The following ADTRP variants were observed in gnomAD, a reference collection of about 807,000 sequenced individuals.
ADTRP encodes androgen dependent TFPI regulating protein, also known as androgen-dependent TFPI-regulating protein.
A neutral mutation model predicts 27.0 loss-of-function variants in ADTRP; 20 were observed. The ratio of observed to expected loss-of-function variants is 0.74; its 90% CI spans 0.52 to 1.08. The LOEUF is 1.08. Ranked by LOEUF, ADTRP falls within the 50% of genes least tolerant of loss-of-function variation. The pLI, the probability that ADTRP is intolerant of heterozygous loss-of-function variation, is 0.00. For synonymous variants in ADTRP, 101 were observed against 105.2 expected, an observed-to-expected ratio of 0.96 and a Z score of 0.25; for missense variants, 251 against 275.0, an observed-to-expected ratio of 0.91 and a Z score of 0.62.
At chr6:11,730,301 C>T (rs2113889838) in intron 4 of ADTRP, among the ~76,000 whole-genome samples, 1 of 152,118 alleles carries the variant, frequency 6.6e-6, no homozygotes, top group East Asian at 1.9e-4. Context: ...GATTCCAATC[C>T]CTGCTGAGTT....
intron 3 of ADTRP, among the ~76,000 whole-genome samples, chr6:11,746,678 T>A (rs1762875567): frequency 1.3e-5 from 2 of 152,122 alleles, no homozygotes; most frequent in African/African-American, 4.8e-5. Context: ...GGGAAAGAAC[T>A]ATTTAGGAGA....
At position 11,735,715 on chromosome 6, in the gene ADTRP, C is replaced by T. The variant is rs768558737; in HGVS notation, c.391-32G>A. On this transcript the variant is annotated intron_variant, in intron 3 of 5. Transcript: ENST00000414691. ...GAGAGAAAATGGCAAATCAGAATGG[C>T]AGGGTGTCCAGGGTGCCTACAGTGC... 23 of 1,422,848 alleles carry T rather than the reference C, an allele frequency of 1.6e-5. 1 individual carries two copies. The South Asian group carries it at 2.7e-4, about 17-fold the overall frequency. The allele number at this position is 1,422,848 out of a possible 1,614,324, so 88.1% of individuals were successfully genotyped here.
At chr6:11,751,855 T>A (rs1393232851) in intron 3 of ADTRP, among the ~76,000 whole-genome samples, 6 of 152,262 alleles carry the variant, frequency 3.9e-5, no homozygotes, top group Non-Finnish European at 8.8e-5. Context: ...CCTTCAACAC[T>A]TTGGAGCTAT....
chr6:11,770,712 C>T (rs1297760802), intron 1 of ADTRP, among the ~76,000 whole-genome samples: 2 of 152,148 alleles, frequency 1.3e-5, no homozygotes, highest in African/African-American at 4.8e-5. Flanking sequence ...TTGACATTCA[C>T]ACCCTCAGGG....
At chr6:11,749,807 C>T (rs1022397010) in intron 3 of ADTRP, among the ~76,000 whole-genome samples, 7 of 152,178 alleles carry the variant, frequency 4.6e-5, no homozygotes, top group Non-Finnish European at 7.4e-5. Context: ...GAGGGCAACA[C>T]TCGGGTTATG....
chr6:11,754,336 G>A (rs1763147071), intron 3 of ADTRP, among the ~76,000 whole-genome samples: 3 of 152,320 alleles, frequency 2.0e-5, no homozygotes, highest in South Asian at 2.1e-4. Flanking sequence ...GCTAAGGTAG[G>A]TAGGCCAACG....
In ADTRP at chr6:11,714,512, C is replaced by A. The variant is rs779891554; in HGVS notation, c.659G>T (p.Gly220Val). The A allele has an allele frequency of 8.7e-6, 14 of 1,613,542 alleles. No individual in the cohort carries two copies. In the African/African-American group the frequency reaches 1.5e-4, roughly 17 times the overall value. ...CTTCTTCCGTGGCTGCCTCATGTCA[C>A]CTGTACAAACAAGAACAGAGACAGA... Reference protein sequence around the residue: ...LGEKLNHWKWGDMRQPRKKRK With the variant: ...LGEKLNHWKWVDMRQPRKKRK Residue 220 changes from glycine to valine, a missense_variant and splice_region_variant, in exon 6 of 6, where the codon GGT becomes GTT. By Grantham distance (109) the Gly-to-Val change is moderately radical (BLOSUM62 -3). Coordinates refer to ENST00000414691, the MANE Select transcript of ADTRP (RefSeq NM_032744.4).
chr6:11,733,622 T>TA (rs370776266), intron 4 of ADTRP, among the ~76,000 whole-genome samples: 4 of 152,328 alleles, frequency 2.6e-5, no homozygotes, highest in African/African-American at 9.6e-5. Context: ...CACTGTCTGT[T>TA]ATGCTCCTCT....
At chr6:11,775,702 G>GTGTCTGTCTCCTGTCTCC (rs1763933196) in intron 1 of ADTRP, among the ~76,000 whole-genome samples, 1 of 152,102 alleles carries the variant, frequency 6.6e-6, no homozygotes, top group Non-Finnish European at 1.5e-5. Flanking sequence ...AGTGCAACTC[G>GTGTCTGTCTCCTGTCTCC]TGTCTGTCTC....
chr6:11,717,550 G>A, intron 5 of ADTRP: 1 of 1,053,070 alleles, frequency 9.5e-7, no homozygotes, highest in Admixed American at 3.8e-5. Flanking sequence ...TTACACCTAT[G>A]TATCTACAAC....
intron 4 of ADTRP, among the ~76,000 whole-genome samples, chr6:11,735,023 GC>G (rs3215483): frequency 0.31 from 47,579 of 152,140 alleles, 9,318 homozygotes; most frequent in Non-Finnish European, 0.44. Flanking sequence ...AATGAGTATT[GC>G]CAGGTGGTTG....
chr6:11,725,028 T>C (rs1403667054), intron 4 of ADTRP, among the ~76,000 whole-genome samples: 2 of 152,232 alleles, frequency 1.3e-5, no homozygotes, highest in African/African-American at 4.8e-5. Flanking sequence ...GGAATTCAGA[T>C]GGAAGAATGA....
At position 11,714,367 on chromosome 6, in the gene ADTRP, T is replaced by A; in HGVS notation, c.*111A>T. 8.1e-7 allele frequency: 1 copy of A among 1,236,802 alleles called. No homozygotes were observed. The highest frequency in any genetic ancestry group is 1.1e-6 in the Non-Finnish European group (1 of 870,820). The allele number at this position is 1,236,802 out of a possible 1,614,324, so 76.6% of individuals were successfully genotyped here. ...AAATTTAAGTATCACTCTCTGTCCC[T>A]CCTACTTTGCTATGTTCCTCCACCA... is the stretch of plus-strand genomic sequence containing the variant. On this transcript the variant is annotated 3_prime_UTR_variant, in exon 6 of 6. Transcript: ENST00000414691.
intron 4 of ADTRP, among the ~76,000 whole-genome samples, chr6:11,730,914 C>T (rs769250309): frequency 2.0e-5 from 3 of 152,214 alleles, no homozygotes; most frequent in Non-Finnish European, 4.4e-5. Flanking sequence ...TGGCGAGTAA[C>T]ATTGTTAATT....
At chr6:11,768,910 G>A (rs1248679127) in intron 1 of ADTRP, among the ~76,000 whole-genome samples, 4 of 152,052 alleles carry the variant, frequency 2.6e-5, no homozygotes, top group Admixed American at 6.5e-5. Context: ...TTGCTCAGCC[G>A]AAGAAGAGCC....
rs368745341 is a variant in ADTRP, at chr6:11,778,781, C to T, written c.-22G>A. On this transcript the variant is annotated 5_prime_UTR_variant, in exon 1 of 6. Transcript: ENST00000414691. The stretch of plus-strand genomic sequence containing the variant: ...TCATGGCGAGTGCTGACCGGGGCAC[C>T]GTGAATGTCTTGAGTACTTTCTGGC... The T allele has an allele frequency of 1.1e-5, 17 of 1,610,006 alleles. No homozygotes were observed. The highest frequency in any genetic ancestry group is 1.7e-4 in the Middle Eastern group (1 of 6,040).
chr6:11,750,210 C>A (rs1014766287), intron 3 of ADTRP, among the ~76,000 whole-genome samples: 3 of 152,162 alleles, frequency 2.0e-5, no homozygotes, highest in Non-Finnish European at 4.4e-5. Context: ...AGAATTTATA[C>A]CCTGGGACAT....
chr6:11,735,241 T>C (rs1279031921), intron 4 of ADTRP, among the ~76,000 whole-genome samples: 3 of 152,220 alleles, frequency 2.0e-5, no homozygotes, highest in Non-Finnish European at 2.9e-5. Flanking sequence ...CATTCAAGCA[T>C]GTTCATTGAA....
intron 5 of ADTRP, among the ~76,000 whole-genome samples, chr6:11,714,771 C>A (rs568870762): frequency 1.3e-5 from 2 of 152,338 alleles, no homozygotes; most frequent in African/African-American, 4.8e-5. Context: ...TTCAGGTACT[C>A]TGCATAGCTA....
Sources: allele counts gnomAD v4.1 joint callset (sites outside exome capture counted in the v4.1 genomes callset), GRCh38; gene constraint gnomAD v4.1.1; transcripts MANE v1.5; gene names NCBI Gene and HGNC (gene_info 2026-07-23, HGNC 2026-07-21).